MFSD1: variants seen among roughly 807,000 people sequenced by gnomAD.
The protein encoded by MFSD1 is lysosomal dipeptide transporter MFSD1.
A neutral mutation model predicts 67.1 loss-of-function variants in MFSD1; 59 were observed. The ratio of observed to expected loss-of-function variants is 0.88; its 90% confidence interval spans 0.71 to 1.09. MFSD1 has a LOEUF of 1.09. Ranked by LOEUF, MFSD1 falls within the 50% of genes least tolerant of loss-of-function variation. MFSD1 has a pLI of 0.00. For missense variants in MFSD1, 552 were observed against 566.1 expected (o/e 0.97, Z 0.25); for synonymous variants, 213 against 200.3 (o/e 1.06, Z -0.54).
At chr3:158,816,529 C>T (rs1262729062) in intron 7 of MFSD1, among the ~76,000 whole-genome samples, 1 of 151,858 alleles carries the variant, frequency 6.6e-6, no homozygotes, top group Non-Finnish European at 1.5e-5. Flanking sequence ...TGTTTGAGTT[C>T]ATTGTAGATT....
intron 15 of MFSD1, among the ~76,000 whole-genome samples, chr3:158,827,993 A>G (rs371420675): frequency 1.1e-4 from 17 of 149,292 alleles, no homozygotes; most frequent in Admixed American, 4.7e-4. Flanking sequence ...AGATCGATCT[A>G]TATTACTTGT....
At chr3:158,818,514 C>A (rs898308464) in intron 7 of MFSD1, among the ~76,000 whole-genome samples, 1 of 152,160 alleles carries the variant, frequency 6.6e-6, no homozygotes, top group Non-Finnish European at 1.5e-5. Flanking sequence ...TTTCTCCAAT[C>A]TCCTCCCCAG....
At chr3:158,811,815 A>G (rs1269044326) in intron 6 of MFSD1, among the ~76,000 whole-genome samples, 2 of 152,238 alleles carry the variant, frequency 1.3e-5, no homozygotes, top group African/African-American at 2.4e-5. Flanking sequence ...AGCTAATGGC[A>G]TTACTCAAAT....
At chr3:158,804,570 A>G (rs951223599) in intron 2 of MFSD1, among the ~76,000 whole-genome samples, 199 bp downstream of exon 2, 1 of 152,218 alleles carries the variant, frequency 6.6e-6, no homozygotes, top group Non-Finnish European at 1.5e-5. Context: ...TATAGCACAT[A>G]TGTGACTTGA....
chr3:158,821,127 T>G (rs1730646390), intron 9 of MFSD1, among the ~76,000 whole-genome samples: 1 of 152,226 alleles, frequency 6.6e-6, no homozygotes, highest in Non-Finnish European at 1.5e-5. Flanking sequence ...TTCTTTGCTT[T>G]ATCTTCTACT....
chr3:158,821,678 T>C, intron 10 of MFSD1, 25 bp downstream of exon 10: 1 of 1,567,082 alleles, frequency 6.4e-7, no homozygotes, highest in Non-Finnish European at 8.8e-7. Context: ...ATTTTGTAAG[T>C]GCCTATTGCA....
Position 158,802,127 on chromosome 3 carries a change from TC to T in MFSD1, c.-22del, listed in dbSNP as rs1478728242. ...CCTGGGTTTGGAGTTGTCACCACTTTCCCCTCTCCGTCTCCTGCGGGCGCAA... is the reference window on the plus strand; with the variant it reads ...CCTGGGTTTGGAGTTGTCACCACTTTCCCTCTCCGTCTCCTGCGGGCGCAA... On this transcript the variant is annotated 5_prime_UTR_variant, in exon 1 of 16. Transcript: ENST00000415822. 1 of 1,610,504 alleles carries T rather than the reference TC, an allele frequency of 6.2e-7. No homozygotes were observed. The highest frequency in any genetic ancestry group is 8.5e-7 in the Non-Finnish European group (1 of 1,179,220).
intron 6 of MFSD1, 53 bp from the exon 7 acceptor site, chr3:158,813,912 C>T: frequency 1.5e-6 from 2 of 1,296,600 alleles, no homozygotes; most frequent in East Asian, 2.4e-5. Context: ...TTGAACAAAG[C>T]AGAGATATAT....
intron 5 of MFSD1, chr3:158,808,938 C>G: frequency 2.6e-6 from 1 of 390,204 alleles, no homozygotes. Context: ...GCTCCAAGTG[C>G]GAGTGTCGGA....
At chr3:158,814,693 A>G (rs1444798058) in intron 7 of MFSD1, among the ~76,000 whole-genome samples, 1 of 152,208 alleles carries the variant, frequency 6.6e-6, no homozygotes, top group Non-Finnish European at 1.5e-5. Flanking sequence ...ACTTTTTGAG[A>G]ACAACCTGAG....
At chr3:158,828,131 C>T (rs1029849117) in intron 15 of MFSD1, among the ~76,000 whole-genome samples, 6 of 152,096 alleles carry the variant, frequency 3.9e-5, no homozygotes, top group African/African-American at 1.4e-4. Flanking sequence ...ATATGTGGTT[C>T]TGTGTTCTCT....
intron 1 of MFSD1, among the ~76,000 whole-genome samples, chr3:158,803,673 G>A (rs754993933): frequency 2.0e-5 from 3 of 152,136 alleles, no homozygotes; most frequent in South Asian, 2.1e-4. Context: ...TGTAGCCTAC[G>A]AAGGAATCTC....
chr3:158,824,108 A>G lies in MFSD1; in HGVS notation c.1176-16A>G, dbSNP rs1292856183. 1.3e-6 allele frequency: 2 copies of G among 1,573,592 alleles called. No homozygotes were observed. The highest frequency in any genetic ancestry group is 1.4e-5 in the African/African-American group (1 of 73,142). On this transcript the variant is annotated splice_polypyrimidine_tract_variant and intron_variant, in intron 12 of 15. Coordinates refer to ENST00000415822, the MANE Select transcript of MFSD1 (RefSeq NM_022736.4). The stretch of plus-strand genomic sequence containing the variant: ...TTTTGAAAATGAAATGTGTCTTTAT[A>G]TTTCTTCCATTGTAGCATGCAGTCC...
At chr3:158,804,894 C>T (rs1337187486) in intron 2 of MFSD1, among the ~76,000 whole-genome samples, 1 of 151,926 alleles carries the variant, frequency 6.6e-6, no homozygotes, top group Non-Finnish European at 1.5e-5. Context: ...AACCTTTGGA[C>T]AGGGAAAATG....
intron 1 of MFSD1, 29 bp from the exon 2 acceptor site, chr3:158,804,290 T>C (rs761815917): frequency 1.3e-6 from 2 of 1,554,014 alleles, no homozygotes; most frequent in South Asian, 2.3e-5. Context: ...GGAAGTATTA[T>C]TACTTATAAA....
At chr3:158,818,578 A>T (rs1730501428) in intron 7 of MFSD1, among the ~76,000 whole-genome samples, 1 of 151,646 alleles carries the variant, frequency 6.6e-6, no homozygotes, top group African/African-American at 2.4e-5. Context: ...AGGTTTTTAA[A>T]ATATATATAT....
At chr3:158,814,327 T>G (rs1730202381) in intron 7 of MFSD1, among the ~76,000 whole-genome samples, 2 of 152,194 alleles carry the variant, frequency 1.3e-5, no homozygotes, top group South Asian at 4.1e-4. Context: ...TATTTTATTT[T>G]TATTTGTTTT....
In MFSD1 at chr3:158,809,217, A is replaced by G. The variant is rs1729877802; in HGVS notation, c.479A>G (p.Tyr160Cys). ...TCCTTAGCAGTTGCCCAGAATACAT[A>G]TGCTGTGAGCTGGTTTAAAGGCAAA... ...GESLAVAQNT[Y>C]AVSWFKGKEL... is the part of the protein sequence containing the mutation. The change falls in exon 6 of 16, where the codon TAT becomes TGT. Residue 160 changes from tyrosine to cysteine, a missense_variant. Transcript: ENST00000415822. 1 of 1,606,448 alleles carries G rather than the reference A, an allele frequency of 6.2e-7. No individual in the cohort carries two copies. Among genetic ancestry groups the G allele is most frequent in the Non-Finnish European group, 8.5e-7 (1 of 1,177,616 alleles).
At chr3:158,811,986 A>G (rs1222450611) in intron 6 of MFSD1, among the ~76,000 whole-genome samples, 1 of 152,234 alleles carries the variant, frequency 6.6e-6, no homozygotes, top group Admixed American at 6.5e-5. Flanking sequence ...TATCTATTAA[A>G]TAAAATAACA....
Sources: allele counts gnomAD v4.1 joint callset (sites outside exome capture counted in the v4.1 genomes callset), GRCh38; gene constraint gnomAD v4.1.1; transcripts MANE v1.5; gene names NCBI Gene and HGNC (gene_info 2026-07-23, HGNC 2026-07-21).